Variants in RAPGEF6 observed in about 807,000 individuals in gnomAD.
The protein encoded by RAPGEF6 is Rap guanine nucleotide exchange factor 6.
RAPGEF6 carries 56 observed loss-of-function variants against 171.4 expected under a neutral mutation model. That is an observed-to-expected ratio of 0.33 (90% CI 0.26 to 0.41). The LOEUF (loss-of-function observed/expected upper bound fraction) is 0.41. Ranked by LOEUF, RAPGEF6 falls within the 10% of genes least tolerant of loss-of-function variation. The probability of loss-of-function intolerance (pLI) is 1.00; values close to 1 mark genes in which losing one functional copy is unlikely to be tolerated. For synonymous variants in RAPGEF6, 692 were observed against 650.1 expected, an observed-to-expected ratio of 1.06 and a Z score of -0.98; for missense variants, 1,674 against 1,921.4, an observed-to-expected ratio of 0.87 and a Z score of 2.41.
chr5:131,585,275 G>GAA lies in RAPGEF6; in HGVS notation c.281+7106_281+7107dup, dbSNP rs5871429. On this transcript the variant is annotated intron_variant, in intron 4 of 27. Coordinates refer to ENST00000509018, the MANE Select transcript of RAPGEF6 (RefSeq NM_016340.6). ...AAACAAGAAAAGTTCTAGAAAATAA[G>GAA]AAAAAAAAAAAACTATACATACATA... Among the ~76,000 whole-genome samples, 802 of 141,592 alleles carry GAA rather than the reference G, an allele frequency of 5.7e-3. 14 individuals are homozygous for GAA. Among genetic ancestry groups the GAA allele is most frequent in the African/African-American group, 0.017 (620 of 37,350 alleles). 92.9% of individuals were successfully genotyped at this position (141,592 alleles called of 152,430 possible).
chr5:131,462,104 T>G lies in RAPGEF6; in HGVS notation c.2481-16A>C. 1.4e-5 allele frequency: 21 copies of G among 1,452,144 alleles called. No individual in the cohort carries two copies. Among genetic ancestry groups the G allele is most frequent in the Non-Finnish European group, 1.9e-5 (21 of 1,096,704 alleles). 90.0% of individuals were successfully genotyped at this position (1,452,144 alleles called of 1,614,324 possible). A position where few individuals can be genotyped will look rare whatever the true frequency, so the allele number is the denominator to read the frequency against. ...TAAGTAATACCTAAATGGAAAAATT[T>G]TTTTAAATAAATGTATTCATAAATA... On this transcript the variant is annotated splice_polypyrimidine_tract_variant and intron_variant, in intron 18 of 27. Coordinates refer to ENST00000509018, the MANE Select transcript of RAPGEF6 (RefSeq NM_016340.6).
At chr5:131,547,999 G>A (rs2149949214) in intron 6 of RAPGEF6, 48 bp downstream of exon 6, 4 of 1,577,162 alleles carry the variant, frequency 2.5e-6, no homozygotes, top group East Asian at 4.5e-5. Flanking sequence ...AAAGATACTA[G>A]ATATGAAAAT....
chr5:131,506,981 C>T (rs566043805), intron 9 of RAPGEF6, among the ~76,000 whole-genome samples: 13 of 151,122 alleles, frequency 8.6e-5, no homozygotes, highest in East Asian at 3.9e-4. Flanking sequence ...TTCTAGGATA[C>T]GGGGAGAAAA....
chr5:131,530,026 A>T (rs143926903), intron 6 of RAPGEF6, among the ~76,000 whole-genome samples: 3,817 of 147,502 alleles, frequency 0.026, 171 homozygotes, highest in African/African-American at 0.092. Context: ...TCCCACCTCA[A>T]CCTCCCGAGT....
At chr5:131,474,410 G>GAGCA (rs1320580067) in intron 16 of RAPGEF6, among the ~76,000 whole-genome samples, 1 of 152,066 alleles carries the variant, frequency 6.6e-6, no homozygotes, top group Admixed American at 6.6e-5. Flanking sequence ...AGGTTGCAGA[G>GAGCA]AGCAGCCTGG....
At chr5:131,505,566 T>C (rs1757322082) in intron 9 of RAPGEF6, 44 bp from the exon 10 acceptor site, 2 of 1,523,534 alleles carry the variant, frequency 1.3e-6, no homozygotes, top group Admixed American at 1.9e-5. Context: ...TTAAAAAAGG[T>C]AGTTACATGT....
intron 1 of RAPGEF6, among the ~76,000 whole-genome samples, chr5:131,620,137 A>G (rs896818284): frequency 1.2e-4 from 19 of 152,202 alleles, no homozygotes; most frequent in African/African-American, 4.6e-4. Context: ...TGCTCCATCT[A>G]AGTCTCCTTC....
intron 6 of RAPGEF6, among the ~76,000 whole-genome samples, chr5:131,543,839 G>T (rs1760320628): frequency 6.6e-6 from 1 of 151,960 alleles, no homozygotes; most frequent in Non-Finnish European, 1.5e-5. Context: ...AAAGATCAAA[G>T]CTCTGAAATT....
chr5:131,462,034 A>C lies in RAPGEF6; in HGVS notation c.2535T>G (p.Ala845=). Residue 845 remains alanine (A), a synonymous_variant, in exon 19 of 28, where the codon GCT becomes GCG. Coordinates refer to ENST00000509018, the MANE Select transcript of RAPGEF6 (RefSeq NM_016340.6). Reference sequence around the variant, plus strand: ...GCTGGCTTTCCTTAACTAGTTCTTGAGCATCTTCATCTGAACATAAGGTTT... The same window carrying C: ...GCTGGCTTTCCTTAACTAGTTCTTGCGCATCTTCATCTGAACATAAGGTTT... ...ETETLCSDED[A]QELVKESQLS... 1 of 1,612,772 alleles carries C rather than the reference A, an allele frequency of 6.2e-7. No homozygotes were observed. The highest frequency in any genetic ancestry group is 1.3e-5 in the African/African-American group (1 of 75,000).
Position 131,462,168 on chromosome 5 carries a change from A to G in RAPGEF6, c.2481-80T>C. ...GCACTTTTCCTTTTTGTCGTTGTAA[A>G]ATATCATTTTACTGTTAATAACTTT... On this transcript the variant is annotated intron_variant, in intron 18 of 27. Transcript: ENST00000509018. 3 of 1,151,964 alleles carry G rather than the reference A, an allele frequency of 2.6e-6. No individual in the cohort carries two copies. The South Asian group carries it at 7.6e-5, about 29-fold the overall frequency. The allele number at this position is 1,151,964 out of a possible 1,614,324, so 71.4% of individuals were successfully genotyped here.
chr5:131,585,447 T>C (rs1030733534), intron 4 of RAPGEF6, among the ~76,000 whole-genome samples: 4 of 152,090 alleles, frequency 2.6e-5, no homozygotes, highest in African/African-American at 4.8e-5. Flanking sequence ...TCCCATTCTA[T>C]TCAAAGTCAC....
intron 16 of RAPGEF6, chr5:131,473,030 C>T (rs1204758551): frequency 3.2e-6 from 1 of 314,752 alleles, no homozygotes; most frequent in Non-Finnish European, 5.9e-6. Context: ...AGAAACTGAA[C>T]CTGAGTATTT....
chr5:131,631,589 G>T (rs528726666), intron 1 of RAPGEF6, among the ~76,000 whole-genome samples: 1 of 152,114 alleles, frequency 6.6e-6, no homozygotes, highest in Non-Finnish European at 1.5e-5. Context: ...AATAACAGCC[G>T]TTAACCTCCT....
chr5:131,536,496 CTGT>C (rs1759784029), intron 6 of RAPGEF6, among the ~76,000 whole-genome samples: 1 of 152,092 alleles, frequency 6.6e-6, no homozygotes, highest in Non-Finnish European at 1.5e-5. Flanking sequence ...CTTCAGCATA[CTGT>C]CATATATATC....
chr5:131,582,459 C>T (rs1168483976), intron 4 of RAPGEF6, among the ~76,000 whole-genome samples: 6 of 151,988 alleles, frequency 3.9e-5, no homozygotes. Context: ...GATCACACAC[C>T]TAAATAGATC....
In RAPGEF6 at chr5:131,502,396, T is replaced by G. The variant is rs180677343; in HGVS notation, c.1254+2230A>C. ...CATCTCTCCACCAAATATTTATCAG[T>G]TACAAAGGGTAAAATGATGACTTTA... On this transcript the variant is annotated intron_variant, in intron 11 of 27. Transcript: ENST00000509018. Among the ~76,000 whole-genome samples the G allele has an allele frequency of 4.6e-5, 7 of 152,310 alleles. No homozygotes were observed. The East Asian group carries it at 1.3e-3, about 29-fold the overall frequency.
At chr5:131,528,206 T>C (rs1415484536) in intron 6 of RAPGEF6, among the ~76,000 whole-genome samples, 1 of 125,210 alleles carries the variant, frequency 8.0e-6, no homozygotes. Context: ...ATATATATTA[T>C]ATATAAATAA....
intron 5 of RAPGEF6, among the ~76,000 whole-genome samples, chr5:131,556,878 T>C (rs1239241248): frequency 6.6e-6 from 1 of 152,210 alleles, no homozygotes; most frequent in Non-Finnish European, 1.5e-5. Flanking sequence ...GTATCTCTTT[T>C]TTTGTTCAAG....
chr5:131,433,837 T>A (rs1457785267), intron 24 of RAPGEF6, among the ~76,000 whole-genome samples, 179 bp from the exon 25 acceptor site: 1 of 152,070 alleles, frequency 6.6e-6, no homozygotes, highest in Non-Finnish European at 1.5e-5. Context: ...TTCCCCTACA[T>A]AACCATTTGC....
Sources: allele counts gnomAD v4.1 joint callset (sites outside exome capture counted in the v4.1 genomes callset), GRCh38; gene constraint gnomAD v4.1.1; transcripts MANE v1.5; gene names NCBI Gene and HGNC (gene_info 2026-07-23, HGNC 2026-07-21).